CHST8: variants seen among roughly 807,000 people sequenced by gnomAD.
CHST8 encodes GALNAC-4-ST1.
Under a neutral mutation model 15.0 loss-of-function variants are expected in CHST8, and 10 were observed. That is an observed-to-expected ratio of 0.67 (90% confidence interval 0.41 to 1.13). CHST8 has a LOEUF of 1.13. Among genes scored for constraint, CHST8 ranks in the 50% most tolerant of loss-of-function variants. The pLI is 0.00. For missense variants in CHST8, 634 were observed against 608.2 expected, an observed-to-expected ratio of 1.04 and a Z score of -0.45; for synonymous variants, 259 against 256.6, an observed-to-expected ratio of 1.01 and a Z score of -0.09.
At chr19:33,663,028 C>G (rs73926576) in intron 1 of CHST8, among the ~76,000 whole-genome samples, 10 of 152,096 alleles carry the variant, frequency 6.6e-5, no homozygotes. Context: ...ACAAAGACCC[C>G]GTGATGGTGT....
At chr19:33,712,708 C>T (rs1288379773) in intron 3 of CHST8, among the ~76,000 whole-genome samples, 1 of 152,118 alleles carries the variant, frequency 6.6e-6, no homozygotes, top group Admixed American at 6.5e-5. Flanking sequence ...CTCACAGGAG[C>T]CTAAGGGTGG....
rs1823095238 is a variant in CHST8 at position 33,657,149 on chromosome 19, AC to A, written c.-163-10617del. On this transcript the variant is annotated intron_variant, in intron 1 of 4. Transcript: ENST00000650847. Reference sequence around the variant, plus strand: ...ATTACACACACACACACACACACACACACACACAAACACACATATACTTATA... The same window carrying A: ...ATTACACACACACACACACACACACAACACACAAACACACATATACTTATA... 3.4e-5 allele frequency among the ~76,000 whole-genome samples: 5 copies of A among 147,646 alleles called. No homozygotes were observed. The Admixed American group carries it at 3.4e-4, about 10-fold the overall frequency.
At chr19:33,757,373 C>T (rs149040972) in intron 3 of CHST8, among the ~76,000 whole-genome samples, 1,419 of 125,766 alleles carry the variant, frequency 0.011, 18 homozygotes, top group East Asian at 0.017. Context: ...GAGTGAGACG[C>T]GGTCTCAAAA....
chr19:33,720,351 C>G (rs1973763136), intron 3 of CHST8, among the ~76,000 whole-genome samples: 1 of 151,066 alleles, frequency 6.6e-6, no homozygotes, highest in African/African-American at 2.4e-5. Context: ...TACATACACA[C>G]CACACATGCA....
chr19:33,757,503 A>G (rs1360182754), intron 3 of CHST8, among the ~76,000 whole-genome samples: 1 of 49,196 alleles, frequency 2.0e-5, no homozygotes, highest in Admixed American at 2.2e-4. Context: ...AGAAAGAAAG[A>G]AAGAAAGAAA....
intron 2 of CHST8, among the ~76,000 whole-genome samples, chr19:33,676,888 A>G (rs533317107): frequency 3.9e-5 from 6 of 152,116 alleles, no homozygotes; most frequent in Admixed American, 3.3e-4. Context: ...TAAAAAAGAA[A>G]AAAAAAAAAA....
intron 3 of CHST8, among the ~76,000 whole-genome samples, chr19:33,734,578 G>C (rs775942800): frequency 2.6e-5 from 4 of 152,122 alleles, no homozygotes; most frequent in Non-Finnish European, 5.9e-5. Flanking sequence ...CAGCTCACTG[G>C]GCCAGCCCCC....
intron 1 of CHST8, among the ~76,000 whole-genome samples, chr19:33,663,382 T>C (rs566983267): frequency 6.6e-6 from 1 of 152,036 alleles, no homozygotes; most frequent in Non-Finnish European, 1.5e-5. Context: ...CCGGGCAACA[T>C]AGCAAGACCC....
At chr19:33,679,225 T>C (rs1972853021) in intron 2 of CHST8, among the ~76,000 whole-genome samples, 1 of 152,214 alleles carries the variant, frequency 6.6e-6, no homozygotes, top group African/African-American at 2.4e-5. Context: ...AATTTTTTCC[T>C]CCCTGTAATT....
At chr19:33,757,545 A>T (rs1599630602) in intron 3 of CHST8, among the ~76,000 whole-genome samples, 1 of 112,718 alleles carries the variant, frequency 8.9e-6, no homozygotes, top group Admixed American at 8.7e-5. Flanking sequence ...AGAAAGAAAG[A>T]AAGAAAGAAA....
At chr19:33,649,038 G>A (rs1055396616) in intron 1 of CHST8, among the ~76,000 whole-genome samples, 1 of 151,408 alleles carries the variant, frequency 6.6e-6, no homozygotes, top group East Asian at 1.9e-4. Flanking sequence ...CGAGTAGCTG[G>A]GACTACAGGC....
rs374880123 is a variant in CHST8, at chr19:33,773,098, G to T, written c.*35G>T. ...CAGCTGGCCGGGGCCGCCCTGCCCC[G>T]GTCACTCACCTGTGCTCCCGGGCAT... On this transcript the variant is annotated 3_prime_UTR_variant, in exon 5 of 5. Coordinates refer to ENST00000650847, the MANE Select transcript of CHST8 (RefSeq NM_001127895.2). 5.8e-6 allele frequency: 9 copies of T among 1,549,982 alleles called. No homozygotes were observed. The highest frequency in any genetic ancestry group is 1.8e-5 in the Admixed American group (1 of 55,780).
Position 33,772,374 on chromosome 19 carries a change from G to A in CHST8, c.586G>A (p.Glu196Lys). The A allele has an allele frequency of 1.2e-6, 2 of 1,608,850 alleles. No homozygotes were observed. The highest frequency in any genetic ancestry group is 1.7e-6 in the Non-Finnish European group (2 of 1,179,496). ...VEDRHRVLYC[E>K]VPKAGCSNWK... ...GGACCGCCACCGCGTGCTCTACTGC[G>A]AGGTGCCCAAGGCCGGCTGCTCCAA... The change falls in exon 5 of 5, where the codon GAG (glutamate) becomes AAG (lysine). Residue 196 changes from glutamate to lysine, a missense_variant. Coordinates refer to ENST00000650847, the MANE Select transcript of CHST8 (RefSeq NM_001127895.2).
At chr19:33,639,562 C>T (rs1484114620) in intron 1 of CHST8, among the ~76,000 whole-genome samples, 2 of 152,158 alleles carry the variant, frequency 1.3e-5, no homozygotes, top group Non-Finnish European at 2.9e-5. Context: ...AGATGGCAGA[C>T]AACCTCAAAT....
At chr19:33,654,830 A>G (rs1029840546) in intron 1 of CHST8, among the ~76,000 whole-genome samples, 1 of 152,126 alleles carries the variant, frequency 6.6e-6, no homozygotes, top group Admixed American at 6.5e-5. Context: ...TCCTGTGGGC[A>G]CCAATGCCCC....
intron 1 of CHST8, among the ~76,000 whole-genome samples, chr19:33,657,468 C>T (rs373126181): frequency 2.6e-5 from 4 of 151,468 alleles, no homozygotes; most frequent in East Asian, 3.9e-4. Flanking sequence ...GGGGGGGTTT[C>T]GTTATGTTGA....
chr19:33,675,225 G>A (rs1972793896), intron 2 of CHST8, among the ~76,000 whole-genome samples: 1 of 152,036 alleles, frequency 6.6e-6, no homozygotes, highest in South Asian at 2.1e-4. Flanking sequence ...CCAGCACAGA[G>A]CATCCCCTCA....
intron 3 of CHST8, among the ~76,000 whole-genome samples, chr19:33,767,457 C>T (rs35134470): frequency 0.25 from 37,899 of 152,148 alleles, 4,938 homozygotes; most frequent in African/African-American, 0.27. Flanking sequence ...TCAGTCTCTG[C>T]CTCTCCTCAA....
At chr19:33,672,451 G>C (rs977389899) in intron 2 of CHST8, among the ~76,000 whole-genome samples, 1 of 152,088 alleles carries the variant, frequency 6.6e-6, no homozygotes, top group Non-Finnish European at 1.5e-5. Flanking sequence ...CAACTGCCTC[G>C]GCCTCCCAAA....
Sources: gnomAD v4.1 joint callset for allele counts (sites outside exome capture counted in the v4.1 genomes callset) on GRCh38, gnomAD v4.1.1 for gene constraint, MANE v1.5 for transcripts, NCBI Gene and HGNC (gene_info 2026-07-23, HGNC 2026-07-21) for gene names.